Variants in SUCLG2 observed in about 807,000 individuals in gnomAD.
The protein encoded by SUCLG2 is succinate--CoA ligase [GDP-forming] subunit beta, mitochondrial.
Under a neutral mutation model 47.9 loss-of-function variants are expected in SUCLG2, and 42 were observed. That is an observed-to-expected ratio of 0.88 (90% CI 0.69 to 1.14). The LOEUF is 1.14. Among genes scored for constraint, SUCLG2 ranks in the 50% most tolerant of loss-of-function variants. SUCLG2 has a pLI of 0.00. For synonymous variants in SUCLG2, 195 were observed against 197.3 expected, an observed-to-expected ratio of 0.99 and a Z score of 0.10; for missense variants, 571 against 525.9, an observed-to-expected ratio of 1.09 and a Z score of -0.84.
chr3:67,506,834 C>T (rs533454262), intron 7 of SUCLG2, among the ~76,000 whole-genome samples: 52 of 152,328 alleles, frequency 3.4e-4, no homozygotes, highest in African/African-American at 1.2e-3. Context: ...CCCTGCCAAA[C>T]TGGAGACTAC....
chr3:67,452,820 A>G (rs1704087070), intron 9 of SUCLG2, among the ~76,000 whole-genome samples: 1 of 152,206 alleles, frequency 6.6e-6, no homozygotes, highest in Admixed American at 6.5e-5. Flanking sequence ...TTATAGTTCA[A>G]TTAGTAGCTT....
intron 2 of SUCLG2, among the ~76,000 whole-genome samples, chr3:67,587,409 T>C (rs908898026): frequency 2.6e-5 from 4 of 152,258 alleles, no homozygotes; most frequent in Admixed American, 1.3e-4. Context: ...AATTCCCATA[T>C]TGCGTCTGCA....
At chr3:67,629,507 G>A (rs1281725215) in intron 1 of SUCLG2, among the ~76,000 whole-genome samples, 2 of 152,058 alleles carry the variant, frequency 1.3e-5, no homozygotes, top group South Asian at 4.2e-4. Context: ...GGGGGAGGGG[G>A]GGGCGCCCAT....
intron 1 of SUCLG2, among the ~76,000 whole-genome samples, chr3:67,618,368 G>C (rs1487691207): frequency 6.6e-6 from 1 of 152,084 alleles, no homozygotes; most frequent in African/African-American, 2.4e-5. Context: ...GCAGTGAGCC[G>C]AGATCTCGCC....
Position 67,397,756 on chromosome 3 carries a change from C to T in SUCLG2, c.1183+2975G>A, listed in dbSNP as rs80247680. Among the ~76,000 whole-genome samples the T allele has an allele frequency of 5.7e-3, 862 of 152,284 alleles. 41 individuals carry two copies. The East Asian group carries it at 0.11, about 19-fold the overall frequency. On this transcript the variant is annotated intron_variant, in intron 10 of 10. Coordinates refer to ENST00000307227, the MANE Select transcript of SUCLG2 (RefSeq NM_003848.4). ...AACAAAGCTGGAGGCATCACGCTAC[C>T]TCAGTTGAAACTATACTACAAGGCT...
chr3:67,431,672 G>T (rs969707709), intron 9 of SUCLG2, among the ~76,000 whole-genome samples: 1 of 151,594 alleles, frequency 6.6e-6, no homozygotes, highest in African/African-American at 2.4e-5. Flanking sequence ...CTCACTCATA[G>T]GTGGGAACTG....
chr3:67,420,115 C>T (rs1703124502), intron 9 of SUCLG2, among the ~76,000 whole-genome samples: 1 of 152,144 alleles, frequency 6.6e-6, no homozygotes, highest in South Asian at 2.1e-4. Flanking sequence ...AAAGTACATA[C>T]TTGCCATCCT....
chr3:67,404,853 C>T (rs1160366461), intron 9 of SUCLG2, among the ~76,000 whole-genome samples: 3 of 152,040 alleles, frequency 2.0e-5, no homozygotes, highest in African/African-American at 4.8e-5. Flanking sequence ...TAAAGCATGT[C>T]AAATTTTCAA....
intron 1 of SUCLG2, among the ~76,000 whole-genome samples, chr3:67,638,061 T>C (rs936093685): frequency 1.3e-5 from 2 of 152,238 alleles, no homozygotes; most frequent in Admixed American, 6.5e-5. Flanking sequence ...TTATGCTACA[T>C]TGCACAATTT....
chr3:67,627,861 C>T (rs1030514012), intron 1 of SUCLG2, among the ~76,000 whole-genome samples: 16 of 152,204 alleles, frequency 1.1e-4, no homozygotes, highest in Non-Finnish European at 1.8e-4. Flanking sequence ...AACTCTAGAT[C>T]CCAGCTCTGC....
intron 10 of SUCLG2, among the ~76,000 whole-genome samples, chr3:67,386,043 G>A (rs1702250230): frequency 6.6e-6 from 1 of 152,150 alleles, no homozygotes; most frequent in Non-Finnish European, 1.5e-5. Flanking sequence ...TCAGTTCTGT[G>A]GACCATACTC....
chr3:67,646,336 C>T (rs1421596253), intron 1 of SUCLG2, among the ~76,000 whole-genome samples: 2 of 152,164 alleles, frequency 1.3e-5, no homozygotes, highest in Non-Finnish European at 2.9e-5. Flanking sequence ...GTGGCTCACG[C>T]CTTAATCCCA....
At chr3:67,640,870 C>G (rs1701090085) in intron 1 of SUCLG2, among the ~76,000 whole-genome samples, 1 of 152,106 alleles carries the variant, frequency 6.6e-6, no homozygotes, top group Non-Finnish European at 1.5e-5. Context: ...CTTCTGATTA[C>G]CAAAGATCAG....
chr3:67,585,509 G>A (rs1707992175), intron 2 of SUCLG2, among the ~76,000 whole-genome samples: 1 of 152,200 alleles, frequency 6.6e-6, no homozygotes, highest in African/African-American at 2.4e-5. Context: ...AGCAGGCAAA[G>A]GACATTCTTC....
chr3:67,407,257 T>A (rs1702835096), intron 9 of SUCLG2, among the ~76,000 whole-genome samples: 3 of 152,196 alleles, frequency 2.0e-5, no homozygotes, highest in African/African-American at 7.2e-5. Context: ...TCATTTCCCC[T>A]CAAATTCATG....
intron 10 of SUCLG2, among the ~76,000 whole-genome samples, chr3:67,387,542 T>C (rs1050995573): frequency 9.2e-5 from 14 of 152,208 alleles, no homozygotes; most frequent in Admixed American, 3.3e-4. Flanking sequence ...TATTCATACA[T>C]TTCGAGAAAA....
At chr3:67,595,933 G>A (rs1297609299) in intron 2 of SUCLG2, among the ~76,000 whole-genome samples, 1 of 152,202 alleles carries the variant, frequency 6.6e-6, no homozygotes, top group African/African-American at 2.4e-5. Context: ...TTGCATAAAG[G>A]TAAAACAAGA....
intron 10 of SUCLG2, 188 bp from the exon 11 acceptor site, chr3:67,376,047 T>G (rs1702029894): frequency 1.0e-6 from 1 of 985,446 alleles, no homozygotes; most frequent in Non-Finnish European, 1.2e-6. Context: ...GTGGTCCAGC[T>G]AGAAAAGAAG....
intron 1 of SUCLG2, among the ~76,000 whole-genome samples, chr3:67,623,072 T>TAA: frequency 6.6e-6 from 1 of 150,988 alleles, no homozygotes; most frequent in Non-Finnish European, 1.5e-5. Context: ...CCATCTCATT[T>TAA]AAATATATAT....
Sources: gnomAD v4.1 joint callset for allele counts (sites outside exome capture counted in the v4.1 genomes callset) on GRCh38, gnomAD v4.1.1 for gene constraint, MANE v1.5 for transcripts, NCBI Gene and HGNC (gene_info 2026-07-23, HGNC 2026-07-21) for gene names.